DNMT3A: variants seen among roughly 807,000 people sequenced by gnomAD.
The protein encoded by DNMT3A is DNA (cytosine-5)-methyltransferase 3A.
In DNMT3A, 267 loss-of-function variants were observed where a neutral mutation model predicts 117.6. The observed-to-expected ratio is 2.27, with a 90% CI of 2.05 to 2.51. DNMT3A has a LOEUF of 2.51. Ranked by LOEUF, DNMT3A falls within the 30% of genes most tolerant of loss-of-function variation. The pLI is 0.00. For synonymous variants in DNMT3A, 432 were observed against 474.8 expected, an observed-to-expected ratio of 0.91 and a Z score of 1.17; for missense variants, 1,029 against 1,260.2, an observed-to-expected ratio of 0.82 and a Z score of 2.78.
Position 25,240,730 on chromosome 2 carries a change from T to A in DNMT3A, c.2083A>T (p.Ile695Phe), listed in dbSNP as rs751368966. The A allele has an allele frequency of 1.2e-6, 2 of 1,614,056 alleles. No individual in the cohort carries two copies. Among genetic ancestry groups the A allele is most frequent in the Non-Finnish European group, 1.7e-6 (2 of 1,179,972 alleles). Residue 695 changes from isoleucine to phenylalanine, a missense_variant and splice_region_variant, in exon 18 of 23, where the codon ATC becomes TTC. By Grantham distance (21) the Ile-to-Phe change is conservative. Coordinates refer to ENST00000321117, the MANE Select transcript of DNMT3A (RefSeq NM_022552.5). Reference sequence around the variant, plus strand: ...AGATCGAATGGGCCCCACTCCTGGATCTGGGAGGATAAAGGCAACGTGATG... The same window carrying A: ...AGATCGAATGGGCCCCACTCCTGGAACTGGGAGGATAAAGGCAACGTGATG... ...GDVRSVTQKH[I>F]QEWGPFDLVI...
At chr2:25,288,011 T>A (rs1246506978) in intron 3 of DNMT3A, among the ~76,000 whole-genome samples, 1 of 151,792 alleles carries the variant, frequency 6.6e-6, no homozygotes, top group African/African-American at 2.4e-5. Flanking sequence ...ACTTTTTGTA[T>A]TTTTGGTAAA....
At chr2:25,313,690 A>C (rs1480227756) in intron 2 of DNMT3A, among the ~76,000 whole-genome samples, 2 of 152,156 alleles carry the variant, frequency 1.3e-5, no homozygotes, top group Non-Finnish European at 1.5e-5. Flanking sequence ...TGGTGGTTAA[A>C]AGCCTGGGTC....
At position 25,237,002 on chromosome 2, in the gene DNMT3A, C is replaced by T. The variant is rs529419548; in HGVS notation, c.2412G>A (p.Pro804=). ...GCTTATCATTCACAGTGGATGCCAA[C>T]GGCCTAGGAGGCAGAAGAGAGACTG... is the stretch of plus-strand genomic sequence containing the variant. ...FWGNLPGMNR[P]LASTVNDKLE... Residue 804 remains proline, a synonymous_variant, in exon 21 of 23, where the codon CCG becomes CCA. Transcript: ENST00000321117. This position sits in a 1 kb window ranked among gnomAD's most constrained non-coding sequence, Gnocchi z 5.4. 19 of 1,613,580 alleles carry T rather than the reference C, an allele frequency of 1.2e-5. No homozygotes were observed. The highest frequency in any genetic ancestry group is 4.5e-5 in the East Asian group (2 of 44,872).
intron 2 of DNMT3A, among the ~76,000 whole-genome samples, chr2:25,312,232 G>A (rs2034160030): frequency 6.6e-6 from 1 of 152,240 alleles, no homozygotes; most frequent in Non-Finnish European, 1.5e-5. Flanking sequence ...ACAGCGGCAG[G>A]TGTCCCCAAC....
At position 25,340,086 on chromosome 2, in the gene DNMT3A, C is replaced by G. The variant is rs529269667; in HGVS notation, c.-178+1740G>C. 2.1e-4 allele frequency among the ~76,000 whole-genome samples: 32 copies of G among 152,360 alleles called. No homozygotes were observed. In the Middle Eastern group the frequency reaches 0.01, roughly 49 times the overall value. On this transcript the variant is annotated intron_variant, in intron 1 of 22. Coordinates refer to ENST00000321117, the MANE Select transcript of DNMT3A (RefSeq NM_022552.5). Reference sequence around the variant, plus strand: ...AGCGCTTCTCCCCAAGGCTTCTGTCCCCGCTGGTTTGGAGGGGGGGTAGCT... The same window carrying G: ...AGCGCTTCTCCCCAAGGCTTCTGTCGCCGCTGGTTTGGAGGGGGGGTAGCT...
At chr2:25,288,414 C>T (rs766207679) in intron 3 of DNMT3A, among the ~76,000 whole-genome samples, 2 of 151,848 alleles carry the variant, frequency 1.3e-5, no homozygotes, top group Non-Finnish European at 2.9e-5. Context: ...GACGGAGTCT[C>T]GCTCTGTTGT....
At chr2:25,265,435 C>T (rs1573385975) in intron 6 of DNMT3A, among the ~76,000 whole-genome samples, 1 of 152,206 alleles carries the variant, frequency 6.6e-6, no homozygotes, top group South Asian at 2.1e-4. Context: ...TCTAGTTTTG[C>T]CCATTGGGCC....
At chr2:25,323,618 G>A (rs56083116) in intron 1 of DNMT3A, among the ~76,000 whole-genome samples, 5,814 of 152,268 alleles carry the variant, frequency 0.038, 152 homozygotes, top group South Asian at 0.081. Flanking sequence ...TTCCAAGAGC[G>A]CCTGGCACAG....
At chr2:25,249,879 C>CA (rs1212185410) in intron 6 of DNMT3A, among the ~76,000 whole-genome samples, 14 of 152,166 alleles carry the variant, frequency 9.2e-5, no homozygotes, top group African/African-American at 3.4e-4. Context: ...ACATGCCTTT[C>CA]AAAAGAGCTC....
chr2:25,252,305 G>A lies in DNMT3A; in HGVS notation c.640-4053C>T, dbSNP rs1489353068. The A allele has an allele frequency of 3.7e-6, 3 of 811,074 alleles. No homozygotes were observed. The highest frequency in any genetic ancestry group is 1.8e-5 in the African/African-American group (1 of 55,020). 50.2% of individuals were successfully genotyped at this position (811,074 alleles called of 1,614,324 possible). On this transcript the variant is annotated intron_variant, in intron 6 of 22. Transcript: ENST00000321117. This position sits in a 1 kb window ranked among gnomAD's most constrained non-coding sequence, Gnocchi z 5.5. ...GGAGGGGAAGGGGGCGATGGGGCTG[G>A]GGGCGGAGGGGGCCACTGGGAGGGG...
At position 25,244,150 on chromosome 2, in the gene DNMT3A, C is replaced by G; in HGVS notation, c.1851+5G>C. On this transcript the variant is annotated splice_donor_5th_base_variant and intron_variant, in intron 15 of 22. Coordinates refer to ENST00000321117, the MANE Select transcript of DNMT3A (RefSeq NM_022552.5). ...TCGAGACCGCGCCCCAGGCCCAGCA[C>G]TCACAAATTCCTGGTCGTGGTTATT... 6.2e-7 allele frequency: 1 copy of G among 1,613,976 alleles called. No homozygotes were observed.
rs932078131 is a variant in DNMT3A at position 25,304,588 on chromosome 2, A to G, written c.73-4345T>C. 6.6e-6 allele frequency among the ~76,000 whole-genome samples: 1 copy of G among 152,180 alleles called. No homozygotes were observed. The highest frequency in any genetic ancestry group is 1.5e-5 in the Non-Finnish European group (1 of 68,030). ...ACTGGGGCTCTAGGAGCTTTCCAAA[A>G]TGCAAAGCTGATTATGCCACTCTGC... On this transcript the variant is annotated intron_variant, in intron 2 of 22. Coordinates refer to ENST00000321117, the MANE Select transcript of DNMT3A (RefSeq NM_022552.5). The surrounding 1 kb of genome is among the most constrained non-coding windows in gnomAD (Gnocchi z 4.3).
At chr2:25,276,603 C>G (rs1371714955) in intron 4 of DNMT3A, among the ~76,000 whole-genome samples, 1 of 152,242 alleles carries the variant, frequency 6.6e-6, no homozygotes, top group Non-Finnish European at 1.5e-5. Context: ...CAGGTCCTCA[C>G]CACCCTTTCC....
chr2:25,340,507 C>A (rs1334211038), intron 1 of DNMT3A, among the ~76,000 whole-genome samples: 1 of 151,918 alleles, frequency 6.6e-6, no homozygotes, highest in Admixed American at 6.5e-5. Context: ...CCAGCCCGGT[C>A]CGCGCCGAAG....
At position 25,291,920 on chromosome 2, in the gene DNMT3A, C is replaced by T. The variant is rs141409727; in HGVS notation, c.177+8219G>A. 4.0e-3 allele frequency among the ~76,000 whole-genome samples: 608 copies of T among 152,362 alleles called. 8 individuals carry two copies. Among genetic ancestry groups the T allele is most frequent in the African/African-American group, 0.014 (578 of 41,580 alleles). ...GCCTGGTTGTGCTCTTTGAAGTCAACCTCAAAGGATTTCAGAGTGAGCTGG... is the reference window on the plus strand; with the variant it reads ...GCCTGGTTGTGCTCTTTGAAGTCAATCTCAAAGGATTTCAGAGTGAGCTGG... On this transcript the variant is annotated intron_variant, in intron 3 of 22. Transcript: ENST00000321117.
At position 25,298,854 on chromosome 2, in the gene DNMT3A, G is replaced by A. The variant is rs1034933431; in HGVS notation, c.177+1285C>T. On this transcript the variant is annotated intron_variant, in intron 3 of 22. Transcript: ENST00000321117. The surrounding 1 kb of genome is among the most constrained non-coding windows in gnomAD (Gnocchi z 4.3). ...ACTTCACTCCGCCCCCCTGCCCCCC[G>A]CCTCAAATCTTCAGGCAGAACTGGC... 5.9e-5 allele frequency among the ~76,000 whole-genome samples: 9 copies of A among 151,620 alleles called. No individual in the cohort carries two copies. The highest frequency in any genetic ancestry group is 1.2e-4 in the African/African-American group (5 of 41,152).
chr2:25,320,366 G>T (rs2034544864), intron 1 of DNMT3A, among the ~76,000 whole-genome samples: 1 of 152,162 alleles, frequency 6.6e-6, no homozygotes, highest in Non-Finnish European at 1.5e-5. Flanking sequence ...GGAAAGTGTG[G>T]TAGGCCCACC....
chr2:25,314,318 C>A, intron 1 of DNMT3A, 157 bp from the exon 2 acceptor site: 1 of 985,326 alleles, frequency 1.0e-6, no homozygotes, highest in Non-Finnish European at 1.2e-6. Flanking sequence ...GAGGCAGGCT[C>A]CCTTCAGGGC....
chr2:25,243,801 A>G, intron 16 of DNMT3A, 97 bp downstream of exon 16: 1 of 1,281,004 alleles, frequency 7.8e-7, no homozygotes, highest in Non-Finnish European at 1.1e-6. Flanking sequence ...ACAGCTGTGA[A>G]GCTAACCATC....
Sources: gnomAD v4.1 joint callset for allele counts (sites outside exome capture counted in the v4.1 genomes callset) on GRCh38, gnomAD v4.1.1 for gene constraint, Gnocchi (gnomAD v3.1) non-coding constraint, MANE v1.5 for transcripts, NCBI Gene and HGNC (gene_info 2026-07-23, HGNC 2026-07-21) for gene names.